The following KIF6 variants were observed in gnomAD, a reference collection of about 807,000 sequenced individuals.
KIF6 encodes kinesin-like protein KIF6.
KIF6 carries 106 observed loss-of-function variants against 112.7 expected under a neutral mutation model. The observed-to-expected ratio is 0.94, with a 90% CI of 0.80 to 1.11. The LOEUF (loss-of-function observed/expected upper bound fraction) is 1.11. Ranked by LOEUF, KIF6 falls within the 50% of genes least tolerant of loss-of-function variation. The pLI is 0.00. For missense variants in KIF6, 929 were observed against 964.0 expected (o/e 0.96, Z 0.48); for synonymous variants, 339 against 339.9 (o/e 1.00, Z 0.03).
rs540349512 is a variant in KIF6, at chr6:39,375,373, G to T, written c.1861+10249C>A. Among the ~76,000 whole-genome samples the T allele has an allele frequency of 9.9e-5, 15 of 152,244 alleles. No homozygotes were observed. The South Asian group carries it at 2.3e-3, about 23-fold the overall frequency. ...TGTCTCACCACAAAAAAAATCATGG[G>T]TGAGGCAATGAATATGTTAATTAGC... On this transcript the variant is annotated intron_variant, in intron 16 of 22. Transcript: ENST00000287152.
chr6:39,401,439 A>G (rs1274909377), intron 15 of KIF6, among the ~76,000 whole-genome samples: 2 of 152,176 alleles, frequency 1.3e-5, no homozygotes, highest in African/African-American at 4.8e-5. Context: ...ACATGGAGGG[A>G]AGGCAGCCAA....
intron 4 of KIF6, among the ~76,000 whole-genome samples, chr6:39,636,442 T>G (rs1340804670): frequency 2.0e-5 from 3 of 152,022 alleles, no homozygotes; most frequent in Admixed American, 1.3e-4. Context: ...ATGACTCTAA[T>G]GCTTATCCCA....
intron 3 of KIF6, among the ~76,000 whole-genome samples, chr6:39,652,798 A>G (rs1399169555): frequency 6.6e-6 from 1 of 152,214 alleles, no homozygotes; most frequent in Non-Finnish European, 1.5e-5. Context: ...TTAGTAAGTG[A>G]TAAGAGTAAT....
At chr6:39,529,808 T>C (rs529322431) in intron 13 of KIF6, among the ~76,000 whole-genome samples, 2 of 152,182 alleles carry the variant, frequency 1.3e-5, no homozygotes, top group Non-Finnish European at 2.9e-5. Context: ...GGTGACCTGA[T>C]AGACATTCCT....
At chr6:39,503,298 A>G (rs1376221172) in intron 13 of KIF6, among the ~76,000 whole-genome samples, 2 of 152,328 alleles carry the variant, frequency 1.3e-5, no homozygotes, top group East Asian at 3.9e-4. Context: ...ACTAATGAGA[A>G]CAAAGATACA....
chr6:39,644,452 C>T (rs894161743), intron 3 of KIF6, among the ~76,000 whole-genome samples: 5 of 152,112 alleles, frequency 3.3e-5, no homozygotes, highest in African/African-American at 1.2e-4. Context: ...ACAAGATGTA[C>T]TGTATCCATT....
At chr6:39,376,725 G>C (rs146700709) in intron 16 of KIF6, among the ~76,000 whole-genome samples, 1 of 152,222 alleles carries the variant, frequency 6.6e-6, no homozygotes, top group South Asian at 2.1e-4. Flanking sequence ...GCAGAGTTCT[G>C]TGTGAGCCCA....
intron 6 of KIF6, among the ~76,000 whole-genome samples, chr6:39,609,009 G>C (rs951442666): frequency 1.3e-5 from 2 of 152,188 alleles, no homozygotes; most frequent in African/African-American, 4.8e-5. Context: ...TATATCCCTA[G>C]AAGGTGGGTA....
intron 15 of KIF6, among the ~76,000 whole-genome samples, chr6:39,408,947 C>T (rs1170530642): frequency 6.6e-6 from 1 of 152,122 alleles, no homozygotes; most frequent in Non-Finnish European, 1.5e-5. Flanking sequence ...CTAACTTAGT[C>T]CTCTTCCCGT....
intron 19 of KIF6, among the ~76,000 whole-genome samples, chr6:39,347,148 A>G (rs2113919324): frequency 6.6e-6 from 1 of 152,356 alleles, no homozygotes; most frequent in South Asian, 2.1e-4. Context: ...TGAGGCTTAG[A>G]CAGATTAAAG....
chr6:39,673,675 T>G (rs1470831689), intron 3 of KIF6, among the ~76,000 whole-genome samples: 1 of 152,200 alleles, frequency 6.6e-6, no homozygotes, highest in Non-Finnish European at 1.5e-5. Flanking sequence ...GGGCATGGAC[T>G]GTGACACTAA....
rs563003052 is a variant in KIF6, at chr6:39,705,719, C to T, written c.251+8973G>A. On this transcript the variant is annotated intron_variant, in intron 3 of 22. Transcript: ENST00000287152. ...TAATGGGCAGGAGTGGTCAAGTACC[C>T]TGGCTTCTTTGCCCCTTGGGTGGGA... Among the ~76,000 whole-genome samples, 53 of 152,298 alleles carry T rather than the reference C, an allele frequency of 3.5e-4. No homozygotes were observed. The South Asian group carries it at 0.011, about 31-fold the overall frequency.
At chr6:39,450,393 T>C (rs1416479723) in intron 13 of KIF6, among the ~76,000 whole-genome samples, 1 of 152,220 alleles carries the variant, frequency 6.6e-6, no homozygotes, top group Non-Finnish European at 1.5e-5. Context: ...GTCCTAAAGA[T>C]GTCAACCTCA....
intron 2 of KIF6, among the ~76,000 whole-genome samples, chr6:39,717,448 C>T (rs1789922662): frequency 6.6e-6 from 1 of 152,164 alleles, no homozygotes; most frequent in Admixed American, 6.5e-5. Flanking sequence ...GGCTTCCTCA[C>T]CTCCATCAAG....
chr6:39,538,966 G>A (rs1296437888), intron 13 of KIF6, among the ~76,000 whole-genome samples: 1 of 149,918 alleles, frequency 6.7e-6, no homozygotes, highest in East Asian at 2.0e-4. Context: ...CTATCGCAAG[G>A]ACAAAAAACC....
At chr6:39,591,651 T>C (rs1235300821) in intron 7 of KIF6, among the ~76,000 whole-genome samples, 2 of 152,142 alleles carry the variant, frequency 1.3e-5, no homozygotes, top group Non-Finnish European at 2.9e-5. Flanking sequence ...AGGAATACTA[T>C]AAGCCCAGCC....
intron 14 of KIF6, among the ~76,000 whole-genome samples, chr6:39,423,960 A>G (rs767699961): frequency 1.3e-5 from 2 of 152,130 alleles, no homozygotes; most frequent in African/African-American, 4.8e-5. Flanking sequence ...ATTCTTCTTA[A>G]TGCAAACCTG....
At chr6:39,345,203 C>T (rs1318597000) in intron 21 of KIF6, among the ~76,000 whole-genome samples, 2 of 152,246 alleles carry the variant, frequency 1.3e-5, no homozygotes, top group Non-Finnish European at 1.5e-5. Flanking sequence ...TTGGCTTTCC[C>T]GCTGCAGGCC....
At chr6:39,606,717 T>C (rs1782909339) in intron 6 of KIF6, among the ~76,000 whole-genome samples, 1 of 152,202 alleles carries the variant, frequency 6.6e-6, no homozygotes, top group African/African-American at 2.4e-5. Flanking sequence ...CCTACATCAC[T>C]GATCATAAAA....
Sources: allele counts gnomAD v4.1 joint callset (sites outside exome capture counted in the v4.1 genomes callset), GRCh38; gene constraint gnomAD v4.1.1; transcripts MANE v1.5; gene names NCBI Gene and HGNC (gene_info 2026-07-23, HGNC 2026-07-21).